YME1L1: variants seen among roughly 807,000 people sequenced by gnomAD.
The protein encoded by YME1L1 is YME1 like 1 ATPase, also known as ATP-dependent zinc metalloprotease YME1L1.
A neutral mutation model predicts 90.4 loss-of-function variants in YME1L1; 39 were observed. That is an observed-to-expected ratio of 0.43 (90% CI 0.33 to 0.56). The LOEUF (loss-of-function observed/expected upper bound fraction) is 0.56. Ranked by LOEUF, YME1L1 falls within the 20% of genes least tolerant of loss-of-function variation. YME1L1 has a pLI of 0.03. For missense variants in YME1L1, 617 were observed against 868.4 expected, an observed-to-expected ratio of 0.71 and a Z score of 3.64; for synonymous variants, 284 against 287.3, an observed-to-expected ratio of 0.99 and a Z score of 0.12.
chr10:27,120,179 A>G (rs966031610), intron 13 of YME1L1, among the ~76,000 whole-genome samples: 9 of 152,118 alleles, frequency 5.9e-5, no homozygotes, highest in African/African-American at 1.9e-4. Context: ...GTGTGTATGT[A>G]TATGTATGTA....
chr10:27,128,931 A>T (rs1049928990), intron 8 of YME1L1, among the ~76,000 whole-genome samples: 5 of 151,668 alleles, frequency 3.3e-5, no homozygotes, highest in South Asian at 2.1e-4. Context: ...AAATTAAATT[A>T]AAAAATTAGC....
At chr10:27,126,815 T>G (rs2056924525) in intron 8 of YME1L1, 29 bp from the exon 9 acceptor site, 1 of 1,335,186 alleles carries the variant, frequency 7.5e-7, no homozygotes, top group Non-Finnish European at 1.1e-6. Flanking sequence ...CCAAATAACT[T>G]TAGATAATGG....
chr10:27,137,330 T>C (rs2057039531), intron 4 of YME1L1, among the ~76,000 whole-genome samples: 1 of 152,246 alleles, frequency 6.6e-6, no homozygotes, highest in East Asian at 1.9e-4. Flanking sequence ...TTCAGTTTAA[T>C]GGCTGTTTAC....
At chr10:27,125,347 A>C in intron 9 of YME1L1, among the ~76,000 whole-genome samples, 1 of 151,766 alleles carries the variant, frequency 6.6e-6, no homozygotes, top group East Asian at 1.9e-4. Flanking sequence ...TAAACTGAGA[A>C]CATTCTATAA....
chr10:27,114,234 C>T (rs921032090), intron 18 of YME1L1, among the ~76,000 whole-genome samples: 1 of 152,118 alleles, frequency 6.6e-6, no homozygotes, highest in African/African-American at 2.4e-5. Flanking sequence ...TTGTCCCTCA[C>T]CCTGAGAATT....
intron 2 of YME1L1, chr10:27,146,712 C>T (rs754724445): frequency 7.2e-5 from 11 of 152,274 alleles, no homozygotes; most frequent in Admixed American, 3.3e-4. Flanking sequence ...AAGGGGAGAC[C>T]CTGTCTCTAA....
chr10:27,154,236 C>T lies in YME1L1; in HGVS notation c.-26G>A. 2 of 1,582,032 alleles carry T rather than the reference C, an allele frequency of 1.3e-6. No homozygotes were observed. The highest frequency in any genetic ancestry group is 1.7e-6 in the Non-Finnish European group (2 of 1,163,290). The stretch of plus-strand genomic sequence containing the variant: ...CTCCGGCGGGCCCTCAGCGACCTCA[C>T]CCGCCTGCCGAAACTGTGCCCCTCT... On this transcript the variant is annotated 5_prime_UTR_variant, in exon 1 of 19. In the 5' UTR this introduces an upstream ATG that the reference lacks. Coordinates refer to ENST00000376016, the MANE Select transcript of YME1L1 (RefSeq NM_014263.4).
rs3904096 is a variant in YME1L1 at position 27,121,557 on chromosome 10, C to T, written c.1236-109G>A. ...TTTCTTTTTTTGAGACTAGGACTCGCTTTGTGGCCTAGGCTGAAGCGCACC... is the reference window on the plus strand; with the variant it reads ...TTTCTTTTTTTGAGACTAGGACTCGTTTTGTGGCCTAGGCTGAAGCGCACC... On this transcript the variant is annotated intron_variant, in intron 11 of 18. Transcript: ENST00000376016. 0.032 allele frequency: 24,122 copies of T among 763,700 alleles called. 3,606 individuals are homozygous for T. The African/African-American group carries it at 0.35, about 11-fold the overall frequency. The allele number at this position is 763,700 out of a possible 1,614,324, so 47.3% of individuals were successfully genotyped here. A position where few individuals can be genotyped will look rare whatever the true frequency, so the allele number is the denominator to read the frequency against.
chr10:27,115,322 T>TG (rs1564454788), intron 17 of YME1L1, among the ~76,000 whole-genome samples: 1 of 144,590 alleles, frequency 6.9e-6, no homozygotes, highest in East Asian at 2.4e-4. Context: ...ACATTTAAAA[T>TG]CTTTTTTTTT....
At chr10:27,132,431 G>T (rs781691883) in intron 7 of YME1L1, among the ~76,000 whole-genome samples, 12 of 152,102 alleles carry the variant, frequency 7.9e-5, no homozygotes, top group Non-Finnish European at 1.8e-4. Flanking sequence ...TCTTCAAAGA[G>T]TAAGTGATTC....
intron 9 of YME1L1, among the ~76,000 whole-genome samples, chr10:27,125,458 G>GGAAAA (rs534522674): frequency 0.051 from 5,448 of 107,672 alleles, 120 homozygotes; most frequent in African/African-American, 0.063. Context: ...TGTTTCATTT[G>GGAAAA]AAAAAAAAAA....
chr10:27,133,094 CT>C (rs2056993179), intron 7 of YME1L1, among the ~76,000 whole-genome samples: 1 of 152,120 alleles, frequency 6.6e-6, no homozygotes, highest in African/African-American at 2.4e-5. Flanking sequence ...AACACATTGC[CT>C]TAAAGTTAGC....
At chr10:27,113,969 T>G (rs2056786870) in intron 18 of YME1L1, among the ~76,000 whole-genome samples, 1 of 151,818 alleles carries the variant, frequency 6.6e-6, no homozygotes, top group South Asian at 2.1e-4. Context: ...AAAAAAAAAT[T>G]TATTTGTTGA....
intron 4 of YME1L1, among the ~76,000 whole-genome samples, chr10:27,139,200 C>T (rs728691): frequency 0.099 from 14,994 of 151,676 alleles, 2,429 homozygotes; most frequent in African/African-American, 0.34. Flanking sequence ...TACATATATA[C>T]ATATATATAT....
Position 27,126,702 on chromosome 10 carries a change from G to T in YME1L1, c.943C>A (p.Pro315Thr). The change falls in exon 9 of 19, where the codon CCA becomes ACA. Residue 315 changes from proline to threonine, a missense_variant. Around this residue, in one of 4 missense-constraint regions of YME1L1, gnomAD observed 93 missense variants for 184.8 expected, o/e 0.50. Transcript: ENST00000376016. ...QKFTILGGKL[P>T]KGILLVGPPG... ...TAAAGAAAAGATATCTTACCTTTTG[G>T]AAGTTTACCTCCAAGAATAGTAAAT... 2 of 1,521,550 alleles carry T rather than the reference G, an allele frequency of 1.3e-6. No individual in the cohort carries two copies. Among genetic ancestry groups the T allele is most frequent in the Non-Finnish European group, 1.8e-6 (2 of 1,122,070 alleles). 94.3% of individuals were successfully genotyped at this position (1,521,550 alleles called of 1,614,324 possible).
At chr10:27,125,924 G>A (rs902207521) in intron 9 of YME1L1, among the ~76,000 whole-genome samples, 6 of 151,880 alleles carry the variant, frequency 4.0e-5, no homozygotes, top group South Asian at 2.1e-4. Context: ...TAATCCACCC[G>A]CCTCCACCTC....
chr10:27,132,396 G>A (rs1487478605), intron 7 of YME1L1, among the ~76,000 whole-genome samples: 1 of 152,082 alleles, frequency 6.6e-6, no homozygotes, highest in South Asian at 2.1e-4. Context: ...ACTACGCCCG[G>A]CTGGTCTTCT....
chr10:27,128,576 G>A (rs550732453), intron 8 of YME1L1, among the ~76,000 whole-genome samples: 2 of 151,516 alleles, frequency 1.3e-5, no homozygotes, highest in South Asian at 2.1e-4. Context: ...TCTCTACACC[G>A]CTCCCCCACC....
Position 27,117,702 on chromosome 10 carries a change from A to C in YME1L1, c.1593T>G (p.Ile531Met). ...LMGPERRSVE[I>M]DNKNKTITAY... The stretch of plus-strand genomic sequence containing the variant: ...CTGTGATGGTTTTGTTTTTGTTATC[A>C]ATTTCCACACTTCTTCTTTCAGGCC... Residue 531 changes from isoleucine (I) to methionine (M), a missense_variant, in exon 15 of 19, where the codon ATT becomes ATG. Ile to Met is a conservative substitution (Grantham distance 10, BLOSUM62 1). Transcript: ENST00000376016. The C allele has an allele frequency of 6.2e-7, 1 of 1,614,096 alleles. No homozygotes were observed. The highest frequency in any genetic ancestry group is 8.5e-7 in the Non-Finnish European group (1 of 1,179,992).
Sources: gnomAD v4.1 joint callset for allele counts (sites outside exome capture counted in the v4.1 genomes callset) on GRCh38, gnomAD v4.1.1 for gene constraint, gnomAD v4.1.1 regional missense constraint, MANE v1.5 for transcripts, NCBI Gene and HGNC (gene_info 2026-07-23, HGNC 2026-07-21) for gene names.